DVL3: variants seen among roughly 807,000 people sequenced by gnomAD.
DVL3 encodes dishevelled segment polarity protein 3.
In DVL3, 27 loss-of-function variants were observed where a neutral mutation model predicts 67.4. The observed-to-expected ratio is 0.40, with a 90% CI of 0.30 to 0.55. DVL3 has a LOEUF of 0.55. Ranked by LOEUF, DVL3 falls within the 20% of genes least tolerant of loss-of-function variation. The pLI is 0.46. For missense variants in DVL3, 819 were observed against 1,021.5 expected (o/e 0.80, Z 2.70); for synonymous variants, 369 against 396.8 (o/e 0.93, Z 0.83).
chr3:184,160,323 C>T (rs1057152973), intron 1 of DVL3, among the ~76,000 whole-genome samples: 4 of 152,014 alleles, frequency 2.6e-5, no homozygotes, highest in Admixed American at 1.3e-4. Flanking sequence ...ATAATGTATA[C>T]GTAGTTAGAA....
intron 1 of DVL3, among the ~76,000 whole-genome samples, chr3:184,162,052 T>C (rs1293843538): frequency 6.6e-6 from 1 of 152,218 alleles, no homozygotes; most frequent in African/African-American, 2.4e-5. Context: ...ACTGAACCTA[T>C]TGAGCCTAGT....
intron 1 of DVL3, among the ~76,000 whole-genome samples, chr3:184,159,932 T>A (rs1221622817): frequency 2.6e-5 from 4 of 151,802 alleles, no homozygotes; most frequent in African/African-American, 7.3e-5. Flanking sequence ...TTTTATTTTT[T>A]ATTTTTATTT....
chr3:184,158,845 G>A (rs1355896165), intron 1 of DVL3, among the ~76,000 whole-genome samples: 24 of 145,750 alleles, frequency 1.6e-4, no homozygotes, highest in African/African-American at 3.8e-4. Flanking sequence ...GCGCAATCTC[G>A]GCTCACTGCA....
chr3:184,156,086 C>T (rs888480626), intron 1 of DVL3, among the ~76,000 whole-genome samples: 1 of 152,198 alleles, frequency 6.6e-6, no homozygotes, highest in Admixed American at 6.5e-5. Context: ...CAGTGGCCCA[C>T]AGAGACAGAC....
intron 13 of DVL3, among the ~76,000 whole-genome samples, chr3:184,169,350 A>G (rs74673240): frequency 6.6e-6 from 1 of 152,170 alleles, no homozygotes; most frequent in Non-Finnish European, 1.5e-5. Context: ...CAGCCTTCCA[A>G]ATTCTCCAGT....
rs1321190935 is a variant in DVL3, at chr3:184,155,662, C to T, written c.27C>T (p.His9=). ...TGGGCGAGACCAAGATCATCTACCACTTGGATGGGCAGGAGACGCCGTACC... is the reference window on the plus strand; with the variant it reads ...TGGGCGAGACCAAGATCATCTACCATTTGGATGGGCAGGAGACGCCGTACC... MGETKIIY[H]LDGQETPYLV... Residue 9 remains histidine, a synonymous_variant, in exon 1 of 15, where the codon CAC becomes CAT. Coordinates refer to ENST00000313143, the MANE Select transcript of DVL3 (RefSeq NM_004423.4). This position sits in a 1 kb window ranked among gnomAD's most constrained non-coding sequence, Gnocchi z 5.4. The T allele has an allele frequency of 2.7e-5, 44 of 1,606,496 alleles. No homozygotes were observed. Among genetic ancestry groups the T allele is most frequent in the Non-Finnish European group, 3.7e-5 (43 of 1,177,492 alleles).
chr3:184,169,399 A>AT (rs1714720476), intron 13 of DVL3, among the ~76,000 whole-genome samples: 1 of 152,222 alleles, frequency 6.6e-6, no homozygotes, highest in Admixed American at 6.5e-5. Flanking sequence ...AAATGGCCAC[A>AT]TAAGAGTTTT....
In DVL3 at chr3:184,165,549, CTT is replaced by C; in HGVS notation, c.763+59_763+60del. ...TGCTATATGCCAGACACTGGGCAGACTTGAGTTCAGAGAGCGTAGAATATGTT... is the reference window on the plus strand; with the variant it reads ...TGCTATATGCCAGACACTGGGCAGACGAGTTCAGAGAGCGTAGAATATGTT... On this transcript the variant is annotated intron_variant, in intron 7 of 14. Transcript: ENST00000313143. This position sits in a 1 kb window ranked among gnomAD's most constrained non-coding sequence, Gnocchi z 4.1. The C allele has an allele frequency of 6.7e-7, 1 of 1,495,662 alleles. No homozygotes were observed. The highest frequency in any genetic ancestry group is 9.3e-7 in the Non-Finnish European group (1 of 1,072,982). The allele number at this position is 1,495,662 out of a possible 1,614,324, so 92.6% of individuals were successfully genotyped here.
Position 184,165,937 on chromosome 3 carries a change from A to T in DVL3, c.764-189A>T, listed in dbSNP as rs1476681200. On this transcript the variant is annotated intron_variant, in intron 7 of 14. Transcript: ENST00000313143. This position sits in a 1 kb window ranked among gnomAD's most constrained non-coding sequence, Gnocchi z 4.1. ...TGAACCTCAGTTGCCTGCTCTGTAAAATGGGACTGAGTCCCTACCTTATAG... is the reference window on the plus strand; with the variant it reads ...TGAACCTCAGTTGCCTGCTCTGTAATATGGGACTGAGTCCCTACCTTATAG... Among the ~76,000 whole-genome samples the T allele has an allele frequency of 6.6e-6, 1 of 152,208 alleles. No individual in the cohort carries two copies. The highest frequency in any genetic ancestry group is 1.5e-5 in the Non-Finnish European group (1 of 68,032).
chr3:184,166,986 C>T lies in DVL3; in HGVS notation c.1198+11C>T. The T allele has an allele frequency of 1.9e-6, 3 of 1,613,578 alleles. No homozygotes were observed. Among genetic ancestry groups the T allele is most frequent in the Non-Finnish European group, 2.5e-6 (3 of 1,179,672 alleles). On this transcript the variant is annotated intron_variant, in intron 11 of 14. Transcript: ENST00000313143. This position sits in a 1 kb window ranked among gnomAD's most constrained non-coding sequence, Gnocchi z 6.7. ...TCCCTGACACAGAGCGTGAGTGTCC[C>T]ACCCTGTCTCCTGGGCCCAGCAGAC...
rs776430828 is a variant in DVL3, at chr3:184,166,585, C to G, written c.981-21C>G. 1 of 1,614,194 alleles carries G rather than the reference C, an allele frequency of 6.2e-7. No individual in the cohort carries two copies. Among genetic ancestry groups the G allele is most frequent in the South Asian group, 1.1e-5 (1 of 91,092 alleles). On this transcript the variant is annotated intron_variant, in intron 9 of 14. Transcript: ENST00000313143. This position sits in a 1 kb window ranked among gnomAD's most constrained non-coding sequence, Gnocchi z 6.7. Reference sequence around the variant, plus strand: ...CTGGCCTATACGCATCCTGCCTTCACTAGGACACCCTTGTTTTCAGGCCCA... The same window carrying G: ...CTGGCCTATACGCATCCTGCCTTCAGTAGGACACCCTTGTTTTCAGGCCCA...
chr3:184,171,191 A>C lies in DVL3; in HGVS notation c.*436A>C. On this transcript the variant is annotated 3_prime_UTR_variant, in exon 15 of 15. Coordinates refer to ENST00000313143, the MANE Select transcript of DVL3 (RefSeq NM_004423.4). ...ATCATCCCTCTATTAACCCCACCCC[A>C]TCAGGCACGTGTGCAAACCTCTTGA... 1.8e-6 allele frequency: 2 copies of C among 1,112,324 alleles called. No individual in the cohort carries two copies. The highest frequency in any genetic ancestry group is 2.2e-6 in the Non-Finnish European group (2 of 905,010). The allele number at this position is 1,112,324 out of a possible 1,614,324, so 68.9% of individuals were successfully genotyped here. A position where few individuals can be genotyped will look rare whatever the true frequency, so the allele number is the denominator to read the frequency against.
At chr3:184,159,895 G>T (rs966628073) in intron 1 of DVL3, among the ~76,000 whole-genome samples, 1 of 151,828 alleles carries the variant, frequency 6.6e-6, no homozygotes, top group African/African-American at 2.4e-5. Context: ...CTCAGCCAAA[G>T]CATTTTATTT....
At chr3:184,169,194 A>C (rs1024745256) in intron 13 of DVL3, among the ~76,000 whole-genome samples, 3 of 152,188 alleles carry the variant, frequency 2.0e-5, no homozygotes. Flanking sequence ...TCCTTGTCCT[A>C]ATTAATGACC....
At position 184,171,537 on chromosome 3, in the gene DVL3, CT is replaced by C. The variant is rs1714839309; in HGVS notation, c.*783del. ...AAACATTTCTTTTCTTTCTTTTTTC[CT>C]CCCCCAATTTACCCTGGGCCTGGAG... On this transcript the variant is annotated 3_prime_UTR_variant, in exon 15 of 15. Coordinates refer to ENST00000313143, the MANE Select transcript of DVL3 (RefSeq NM_004423.4). The C allele has an allele frequency of 3.0e-6, 3 of 985,866 alleles. No homozygotes were observed. The African/African-American group carries it at 5.2e-5, about 17-fold the overall frequency. The allele number at this position is 985,866 out of a possible 1,614,324, so 61.1% of individuals were successfully genotyped here. A position where few individuals can be genotyped will look rare whatever the true frequency, so the allele number is the denominator to read the frequency against.
intron 1 of DVL3, among the ~76,000 whole-genome samples, chr3:184,162,549 CT>C (rs1221567015): frequency 1.3e-3 from 177 of 141,496 alleles, no homozygotes; most frequent in African/African-American, 4.4e-3. Context: ...TTCTCTTTTT[CT>C]TTTTCTTTTC....
At position 184,164,476 on chromosome 3, in the gene DVL3, A is replaced by G; in HGVS notation, c.354-16A>G. ...CCCCAGCCTGCCCCCTCCCCCATCA[A>G]GTCTCTTCCCTGCAGCCCTCATGCT... On this transcript the variant is annotated splice_polypyrimidine_tract_variant and intron_variant, in intron 3 of 14. Coordinates refer to ENST00000313143, the MANE Select transcript of DVL3 (RefSeq NM_004423.4). The surrounding 1 kb of genome is among the most constrained non-coding windows in gnomAD (Gnocchi z 5.3). The G allele has an allele frequency of 6.2e-7, 1 of 1,601,474 alleles. No individual in the cohort carries two copies. The highest frequency in any genetic ancestry group is 8.5e-7 in the Non-Finnish European group (1 of 1,173,950).
rs1180707408 is a variant in DVL3, at chr3:184,164,968, G to C, written c.599+37G>C. ...GTTTCATGGGTATTGTGGGGCAGGTGACCCTGGAGGAGCCCTAAACCCTGA... is the reference window on the plus strand; with the variant it reads ...GTTTCATGGGTATTGTGGGGCAGGTCACCCTGGAGGAGCCCTAAACCCTGA... On this transcript the variant is annotated intron_variant, in intron 5 of 14. Transcript: ENST00000313143. The surrounding 1 kb of genome is among the most constrained non-coding windows in gnomAD (Gnocchi z 5.3). 6.2e-7 allele frequency: 1 copy of C among 1,613,608 alleles called. No homozygotes were observed.
In DVL3 at chr3:184,171,697, C is replaced by T. The variant is rs550719068; in HGVS notation, c.*942C>T. 2.1e-5 allele frequency: 14 copies of T among 669,876 alleles called. No individual in the cohort carries two copies. Among genetic ancestry groups the T allele is most frequent in the South Asian group, 6.7e-5 (1 of 15,030 alleles). 41.5% of individuals were successfully genotyped at this position (669,876 alleles called of 1,614,324 possible). ...AGGATGTCCAGCCCCCACACCCACA[C>T]GTTAACATAATGAGTCACTAGGCTT... is the stretch of plus-strand genomic sequence containing the variant. On this transcript the variant is annotated 3_prime_UTR_variant, in exon 15 of 15. Transcript: ENST00000313143.
Sources: allele counts gnomAD v4.1 joint callset (sites outside exome capture counted in the v4.1 genomes callset), GRCh38; gene constraint gnomAD v4.1.1; non-coding constraint Gnocchi (gnomAD v3.1); transcripts MANE v1.5; gene names NCBI Gene and HGNC (gene_info 2026-07-23, HGNC 2026-07-21).